The following PACS1 variants were observed in gnomAD, a reference collection of about 807,000 sequenced individuals.
The protein encoded by PACS1 is phosphofurin acidic cluster sorting protein 1.
In PACS1, 24 loss-of-function variants were observed where a neutral mutation model predicts 115.0. The observed-to-expected ratio is 0.21, with a 90% CI of 0.15 to 0.29. PACS1 has a LOEUF of 0.29. Among genes scored for constraint, PACS1 ranks in the 10% least tolerant of loss-of-function variants. The probability of loss-of-function intolerance (pLI) is 1.00; values close to 1 mark genes in which losing one functional copy is unlikely to be tolerated. For synonymous variants in PACS1, 453 were observed against 504.5 expected, an observed-to-expected ratio of 0.90 and a Z score of 1.37; for missense variants, 838 against 1,251.2, an observed-to-expected ratio of 0.67 and a Z score of 4.98.
chr11:66,086,339 T>C (rs1006634714), intron 1 of PACS1, among the ~76,000 whole-genome samples: 2 of 150,684 alleles, frequency 1.3e-5, no homozygotes, highest in African/African-American at 4.9e-5. Context: ...GGGGTTTCAC[T>C]GTGTTAGCCA....
intron 1 of PACS1, among the ~76,000 whole-genome samples, chr11:66,132,584 ATTAT>A (rs1858728658): frequency 1.3e-5 from 2 of 152,134 alleles, no homozygotes; most frequent in South Asian, 4.1e-4. Flanking sequence ...GTTATACTGT[ATTAT>A]TTAGGGAATA....
At chr11:66,158,991 A>G (rs1391337468) in intron 1 of PACS1, among the ~76,000 whole-genome samples, 1 of 152,218 alleles carries the variant, frequency 6.6e-6, no homozygotes, top group Non-Finnish European at 1.5e-5. Context: ...CATAAAAATG[A>G]TCTAAAACAA....
chr11:66,148,177 C>A (rs1274730275), intron 1 of PACS1, among the ~76,000 whole-genome samples: 2 of 152,232 alleles, frequency 1.3e-5, no homozygotes, highest in East Asian at 3.9e-4. Context: ...TTTTTTGAGA[C>A]AGAGTCTCAC....
intron 1 of PACS1, among the ~76,000 whole-genome samples, chr11:66,184,623 G>T (rs1860080695): frequency 6.6e-6 from 1 of 152,230 alleles, no homozygotes; most frequent in East Asian, 1.9e-4. Context: ...TTTCTTGAGA[G>T]AATTTGCTTG....
At chr11:66,129,390 C>A (rs1337450430) in intron 1 of PACS1, among the ~76,000 whole-genome samples, 3 of 150,402 alleles carry the variant, frequency 2.0e-5, no homozygotes, top group African/African-American at 7.3e-5. Flanking sequence ...TGAGATCGCA[C>A]CACTGCACTC....
At chr11:66,118,932 A>T (rs1021854986) in intron 1 of PACS1, among the ~76,000 whole-genome samples, 1 of 152,074 alleles carries the variant, frequency 6.6e-6, no homozygotes, top group Non-Finnish European at 1.5e-5. Flanking sequence ...GACTGGGGAG[A>T]TATAGACAAT....
chr11:66,191,626 A>G (rs771770584), intron 1 of PACS1, among the ~76,000 whole-genome samples: 2 of 152,228 alleles, frequency 1.3e-5, no homozygotes, highest in African/African-American at 2.4e-5. Context: ...ATATAGATGA[A>G]GAGACCTGAT....
intron 1 of PACS1, among the ~76,000 whole-genome samples, chr11:66,128,219 A>T (rs1858622504): frequency 6.6e-6 from 1 of 152,202 alleles, no homozygotes; most frequent in Non-Finnish European, 1.5e-5. Context: ...ATTTGATGGT[A>T]TTAATGGTAT....
chr11:66,078,625 C>T (rs114502550), intron 1 of PACS1, among the ~76,000 whole-genome samples: 4 of 152,358 alleles, frequency 2.6e-5, no homozygotes, highest in African/African-American at 9.6e-5. Context: ...ACACAGCTCA[C>T]TCTGTTCAGC....
intron 22 of PACS1, 136 bp from the exon 23 acceptor site, chr11:66,242,775 GC>G (rs1457490551): frequency 8.5e-7 from 1 of 1,178,282 alleles, no homozygotes; most frequent in Non-Finnish European, 1.2e-6. Flanking sequence ...CTGACCCACA[GC>G]CCAGTGCCAG....
chr11:66,189,710 C>G (rs1854473783), intron 1 of PACS1, among the ~76,000 whole-genome samples: 1 of 152,202 alleles, frequency 6.6e-6, no homozygotes, highest in African/African-American at 2.4e-5. Flanking sequence ...AGACGTTTAT[C>G]TTGCAGTGAG....
intron 1 of PACS1, among the ~76,000 whole-genome samples, chr11:66,187,922 T>A (rs1054950339): frequency 6.6e-6 from 1 of 152,216 alleles, no homozygotes; most frequent in African/African-American, 2.4e-5. Context: ...TCACATTCAC[T>A]AGTTACAACA....
chr11:66,167,067 C>T (rs1275411480), intron 1 of PACS1, among the ~76,000 whole-genome samples: 1 of 150,436 alleles, frequency 6.6e-6, no homozygotes, highest in Non-Finnish European at 1.5e-5. Flanking sequence ...GCCGCATCTT[C>T]ACACACACCT....
intron 19 of PACS1, among the ~76,000 whole-genome samples, chr11:66,237,440 G>T (rs920954693): frequency 6.6e-6 from 1 of 152,224 alleles, no homozygotes; most frequent in Non-Finnish European, 1.5e-5. Flanking sequence ...GGATGAGGGG[G>T]CCTAGCTCCC....
chr11:66,156,827 T>G (rs1370296132), intron 1 of PACS1, among the ~76,000 whole-genome samples: 1 of 150,340 alleles, frequency 6.7e-6, no homozygotes, highest in African/African-American at 2.5e-5. Context: ...CACTCCAGCC[T>G]GGGCGACAGA....
intron 1 of PACS1, among the ~76,000 whole-genome samples, chr11:66,170,216 A>C (rs189818364): frequency 6.6e-6 from 1 of 150,584 alleles, no homozygotes; most frequent in African/African-American, 2.5e-5. Flanking sequence ...TAAGACTAAT[A>C]TATATATGCT....
intron 1 of PACS1, among the ~76,000 whole-genome samples, chr11:66,182,252 G>A (rs948111888): frequency 6.6e-6 from 1 of 152,152 alleles, no homozygotes; most frequent in East Asian, 1.9e-4. Context: ...AACATACCCT[G>A]AGTAACTGAA....
chr11:66,191,526 C>T (rs1487175519), intron 1 of PACS1, among the ~76,000 whole-genome samples: 1 of 152,168 alleles, frequency 6.6e-6, no homozygotes. Context: ...GTCACTACTC[C>T]ACTTGAAATG....
intron 2 of PACS1, among the ~76,000 whole-genome samples, chr11:66,203,389 G>A (rs1022406131): frequency 6.6e-6 from 1 of 152,038 alleles, no homozygotes; most frequent in African/African-American, 2.4e-5. Context: ...CATATTCATG[G>A]ATTGGAAGAA....
Sources: allele counts gnomAD v4.1 joint callset (sites outside exome capture counted in the v4.1 genomes callset), GRCh38; gene constraint gnomAD v4.1.1; transcripts MANE v1.5; gene names NCBI Gene and HGNC (gene_info 2026-07-23, HGNC 2026-07-21).